Variants in CSRNP2 observed in about 807,000 individuals in gnomAD.
CSRNP2 encodes cysteine/serine-rich nuclear protein 2.
CSRNP2 carries 11 observed loss-of-function variants against 36.6 expected under a neutral mutation model. The observed-to-expected ratio is 0.30, with a 90% confidence interval of 0.19 to 0.50. CSRNP2 has a LOEUF of 0.50. Among genes scored for constraint, CSRNP2 ranks in the 20% least tolerant of loss-of-function variants. The pLI is 0.98. For missense variants in CSRNP2, 483 were observed against 691.4 expected, an observed-to-expected ratio of 0.70 and a Z score of 3.38; for synonymous variants, 248 against 275.3, an observed-to-expected ratio of 0.90 and a Z score of 0.98.
chr12:51,066,921 G>C (rs1470264771), intron 4 of CSRNP2, among the ~76,000 whole-genome samples: 1 of 151,958 alleles, frequency 6.6e-6, no homozygotes, highest in Non-Finnish European at 1.5e-5. Flanking sequence ...ATGCCTCCCA[G>C]GCTCAAGTGA....
chr12:51,067,356 T>G lies in CSRNP2; in HGVS notation c.708+317A>C, dbSNP rs1938506764. On this transcript the variant is annotated intron_variant, in intron 4 of 4. Coordinates refer to ENST00000228515, the MANE Select transcript of CSRNP2 (RefSeq NM_030809.3). The surrounding 1 kb of genome is among the most constrained non-coding windows in gnomAD (Gnocchi z 4.1). ...CATGCTTGTTTTCTTTGCAAAAATT[T>G]TAAGAGACAGGGTCTCACTCTGTGA... is the stretch of plus-strand genomic sequence containing the variant. Among the ~76,000 whole-genome samples the G allele has an allele frequency of 6.6e-6, 1 of 152,152 alleles. No homozygotes were observed. The highest frequency in any genetic ancestry group is 6.5e-5 in the Admixed American group (1 of 15,274).
chr12:51,072,834 A>G (rs979551058), intron 3 of CSRNP2, among the ~76,000 whole-genome samples: 1 of 152,190 alleles, frequency 6.6e-6, no homozygotes, highest in Admixed American at 6.6e-5. Context: ...AGGGACAATT[A>G]TTTGACCAGA....
intron 2 of CSRNP2, 46 bp downstream of exon 2, chr12:51,076,365 T>C (rs1939399946): frequency 6.2e-6 from 10 of 1,600,988 alleles, no homozygotes; most frequent in Non-Finnish European, 8.5e-6. Context: ...TGGGTTCTGC[T>C]GCTTGGGGAA....
chr12:51,074,191 C>T, intron 2 of CSRNP2, 109 bp from the exon 3 acceptor site: 1 of 1,270,072 alleles, frequency 7.9e-7, no homozygotes, highest in Non-Finnish European at 1.1e-6. Flanking sequence ...TGTCTCGGCT[C>T]ACTGCAGCCT....
chr12:51,063,810 G>T lies in CSRNP2; in HGVS notation c.1568C>A (p.Thr523Asn). Reference sequence around the variant, plus strand: ...GGGCCGATCCTCATTCTGCTGGGAGGTCTTCACCATCCCACAGCCCTCTTC... The same window carrying T: ...GGGCCGATCCTCATTCTGCTGGGAGTTCTTCACCATCCCACAGCCCTCTTC... ...DNEEGCGMVK[T>N]SQQNEDRPPE... Residue 523 changes from threonine to asparagine, a missense_variant, in exon 5 of 5, where the codon ACC (threonine) becomes AAC (asparagine). This residue lies in a region of CSRNP2 where 277 missense variants were observed against 323.6 expected (regional missense o/e 0.86). Transcript: ENST00000228515. 6.2e-7 allele frequency: 1 copy of T among 1,609,744 alleles called. No individual in the cohort carries two copies. The highest frequency in any genetic ancestry group is 8.5e-7 in the Non-Finnish European group (1 of 1,177,858).
rs904256623 is a variant in CSRNP2, at chr12:51,067,230, G to A, written c.708+443C>T. Among the ~76,000 whole-genome samples the A allele has an allele frequency of 1.3e-5, 2 of 150,056 alleles. No individual in the cohort carries two copies. Among genetic ancestry groups the A allele is most frequent in the African/African-American group, 4.8e-5 (2 of 41,298 alleles). ...AGGAAACATTTACTAAATGTTAAAT[G>A]TACTAACTCCTCTTCATCCCTTTCC... On this transcript the variant is annotated intron_variant, in intron 4 of 4. Transcript: ENST00000228515. The surrounding 1 kb of genome is among the most constrained non-coding windows in gnomAD (Gnocchi z 4.1).
rs752721903 is a variant in CSRNP2, at chr12:51,063,853, G to A, written c.1525C>T (p.Pro509Ser). 6 of 1,614,074 alleles carry A rather than the reference G, an allele frequency of 3.7e-6. No individual in the cohort carries two copies. Among genetic ancestry groups the A allele is most frequent in the Admixed American group, 3.3e-5 (2 of 60,016 alleles). ...CCCTCTTCATTGTCCGTGCGGAAGG[G>A]GAGGCTTGAGGGGGACCAGGAAGGG... ...FHPSWSPSSL[P>S]FRTDNEEGCG... Residue 509 changes from proline to serine, a missense_variant, in exon 5 of 5, where the codon CCC becomes TCC. By Grantham distance (74) the Pro-to-Ser change is moderately conservative. Transcript: ENST00000228515.
At chr12:51,065,899 T>C (rs1279619160) in intron 4 of CSRNP2, among the ~76,000 whole-genome samples, 2 of 152,170 alleles carry the variant, frequency 1.3e-5, no homozygotes, top group African/African-American at 2.4e-5. Flanking sequence ...AAGAGTGAGT[T>C]AGGAGAAATC....
At chr12:51,079,933 T>G (rs1353936277) in intron 1 of CSRNP2, among the ~76,000 whole-genome samples, 2 of 141,578 alleles carry the variant, frequency 1.4e-5, no homozygotes. Context: ...ATTAGCCAGG[T>G]GTGGTGGCGA....
At chr12:51,068,447 A>G (rs2029145) in intron 3 of CSRNP2, among the ~76,000 whole-genome samples, 66,847 of 152,040 alleles carry the variant, frequency 0.44, 16,309 homozygotes, top group Non-Finnish European at 0.57. Context: ...CCCAATTTAC[A>G]TAATTTTAAT....
At chr12:51,078,020 A>C (rs1482882878) in intron 1 of CSRNP2, among the ~76,000 whole-genome samples, 1 of 152,162 alleles carries the variant, frequency 6.6e-6, no homozygotes, top group Admixed American at 6.6e-5. Flanking sequence ...TGAGACACGA[A>C]CCCTCCCTTG....
At chr12:51,075,557 G>T (rs983897891) in intron 2 of CSRNP2, among the ~76,000 whole-genome samples, 5 of 152,358 alleles carry the variant, frequency 3.3e-5, no homozygotes, top group Non-Finnish European at 7.3e-5. Context: ...TCAAGAGCCA[G>T]ACAGTAACTA....
intron 1 of CSRNP2, among the ~76,000 whole-genome samples, chr12:51,078,628 T>C (rs1045028321): frequency 1.8e-4 from 27 of 152,030 alleles, no homozygotes; most frequent in African/African-American, 5.8e-4. Context: ...AAAATGCTCA[T>C]CATCACTGGC....
rs984980206 is a variant in CSRNP2 at position 51,062,976 on chromosome 12, G to A, written c.*770C>T. ...GTGCTAGTGTCAGACACGTACAGAA[G>A]GCTCAGGCTCGTTATACCATATCCC... On this transcript the variant is annotated 3_prime_UTR_variant, in exon 5 of 5. Coordinates refer to ENST00000228515, the MANE Select transcript of CSRNP2 (RefSeq NM_030809.3). 1 of 152,260 alleles carries A rather than the reference G, an allele frequency of 6.6e-6. No individual in the cohort carries two copies. Among genetic ancestry groups the A allele is most frequent in the African/African-American group, 2.4e-5 (1 of 41,432 alleles). The allele number at this position is 152,260 out of a possible 1,614,324, so 9.4% of individuals were successfully genotyped here.
Position 51,076,659 on chromosome 12 carries a change from A to G in CSRNP2, c.-86-12T>C, listed in dbSNP as rs555847464. 3 of 1,410,294 alleles carry G rather than the reference A, an allele frequency of 2.1e-6. No homozygotes were observed. Among genetic ancestry groups the G allele is most frequent in the South Asian group, 2.4e-5 (2 of 81,790 alleles). 87.4% of individuals were successfully genotyped at this position (1,410,294 alleles called of 1,614,324 possible). On this transcript the variant is annotated splice_polypyrimidine_tract_variant and intron_variant, in intron 1 of 4. Coordinates refer to ENST00000228515, the MANE Select transcript of CSRNP2 (RefSeq NM_030809.3). Reference sequence around the variant, plus strand: ...GGTACATTAGGATTCTGCCCAGGGAAAAAAAGGAATCAGCATTCCTGTCCC... The same window carrying G: ...GGTACATTAGGATTCTGCCCAGGGAGAAAAAGGAATCAGCATTCCTGTCCC...
At chr12:51,074,147 TC>T (rs2091942948) in intron 2 of CSRNP2, 65 bp from the exon 3 acceptor site, 2 of 1,515,692 alleles carry the variant, frequency 1.3e-6, no homozygotes, top group South Asian at 2.6e-5. Flanking sequence ...AGATGGAGTC[TC>T]GCTCTGTTGC....
intron 4 of CSRNP2, among the ~76,000 whole-genome samples, chr12:51,066,749 C>T (rs993401347): frequency 2.0e-5 from 3 of 152,182 alleles, no homozygotes; most frequent in African/African-American, 4.8e-5. Context: ...GCTCTGAATA[C>T]TATTTTGATT....
Position 51,067,552 on chromosome 12 carries a change from GGA to G in CSRNP2, c.708+119_708+120del, listed in dbSNP as rs2136866585. 2.2e-6 allele frequency: 2 copies of G among 908,300 alleles called. No individual in the cohort carries two copies. Among genetic ancestry groups the G allele is most frequent in the Non-Finnish European group, 1.7e-6 (1 of 590,826 alleles). The allele number at this position is 908,300 out of a possible 1,614,324, so 56.3% of individuals were successfully genotyped here. ...GTTGACGGAGGAGGGTTGTGGAACT[GGA>G]GAGTGTTCACAACCATAGGGAATCC... On this transcript the variant is annotated intron_variant, in intron 4 of 4. Coordinates refer to ENST00000228515, the MANE Select transcript of CSRNP2 (RefSeq NM_030809.3). This position sits in a 1 kb window ranked among gnomAD's most constrained non-coding sequence, Gnocchi z 4.1.
At chr12:51,065,302 T>C (rs908922504) in intron 4 of CSRNP2, among the ~76,000 whole-genome samples, 1 of 152,206 alleles carries the variant, frequency 6.6e-6, no homozygotes, top group Non-Finnish European at 1.5e-5. Flanking sequence ...GTTACCAAGA[T>C]AATTAACTTA....
Sources: allele counts gnomAD v4.1 joint callset (sites outside exome capture counted in the v4.1 genomes callset), GRCh38; gene constraint gnomAD v4.1.1; regional missense constraint gnomAD v4.1.1; non-coding constraint Gnocchi (gnomAD v3.1); transcripts MANE v1.5; gene names NCBI Gene and HGNC (gene_info 2026-07-23, HGNC 2026-07-21).